SLC25A31: variants seen among roughly 807,000 people sequenced by gnomAD.
SLC25A31 encodes the protein solute carrier family 25 member 31.
SLC25A31 carries 40 observed loss-of-function variants against 36.2 expected under a neutral mutation model. The ratio of observed to expected loss-of-function variants is 1.10; its 90% CI spans 0.86 to 1.44. The LOEUF (loss-of-function observed/expected upper bound fraction) is 1.44, where lower values mean the gene tolerates loss of function less well. SLC25A31 is among the 40% of genes most tolerant of loss of function. The probability of loss-of-function intolerance (pLI) is 0.00; values close to 1 mark genes in which losing one functional copy is unlikely to be tolerated. For synonymous variants in SLC25A31, 143 were observed against 149.7 expected (o/e 0.96, Z 0.32); for missense variants, 350 against 397.1 (o/e 0.88, Z 1.01).
At chr4:127,760,051 C>T (rs1392069729) in intron 2 of SLC25A31, among the ~76,000 whole-genome samples, 2 of 152,104 alleles carry the variant, frequency 1.3e-5, no homozygotes, top group Non-Finnish European at 2.9e-5. Flanking sequence ...GAACTGTTGA[C>T]CAATTTGAAC....
chr4:127,730,824 C>G, intron 1 of SLC25A31, 47 bp downstream of exon 1: 2 of 1,537,760 alleles, frequency 1.3e-6, no homozygotes, highest in South Asian at 2.4e-5. Flanking sequence ...GCGCCCTCGT[C>G]AGCTTCCCAG....
At position 127,773,627 on chromosome 4, in the gene SLC25A31, T is replaced by C. The variant is rs2148767821; in HGVS notation, c.*53T>C. ...GATTTAACTTGTTAAACATACAAAT[T>C]ACATAGCTGCCATTTGCATACATTT... On this transcript the variant is annotated 3_prime_UTR_variant, in exon 6 of 6. Transcript: ENST00000281154. 7.3e-7 allele frequency: 1 copy of C among 1,376,580 alleles called. No homozygotes were observed. The highest frequency in any genetic ancestry group is 1.5e-5 in the South Asian group (1 of 65,966). 85.3% of individuals were successfully genotyped at this position (1,376,580 alleles called of 1,614,324 possible). A position where few individuals can be genotyped will look rare whatever the true frequency, so the allele number is the denominator to read the frequency against.
At chr4:127,766,596 C>A (rs1314472367) in intron 3 of SLC25A31, among the ~76,000 whole-genome samples, 1 of 152,052 alleles carries the variant, frequency 6.6e-6, no homozygotes, top group East Asian at 1.9e-4. Flanking sequence ...CTCCTAGTCT[C>A]AAGTGATCTA....
At chr4:127,755,425 A>T (rs991383006) in intron 2 of SLC25A31, among the ~76,000 whole-genome samples, 3 of 152,220 alleles carry the variant, frequency 2.0e-5, no homozygotes, top group Admixed American at 6.5e-5. Flanking sequence ...CTGTATAGAG[A>T]ATTCAAATAC....
intron 1 of SLC25A31, among the ~76,000 whole-genome samples, chr4:127,732,275 A>G (rs1012343303): frequency 6.6e-6 from 1 of 152,206 alleles, no homozygotes; most frequent in Non-Finnish European, 1.5e-5. Context: ...GTACCCTAGG[A>G]ATGCTAGGGA....
chr4:127,773,618 C>G lies in SLC25A31; in HGVS notation c.*44C>G. The stretch of plus-strand genomic sequence containing the variant: ...AAATACATGGATTTAACTTGTTAAA[C>G]ATACAAATTACATAGCTGCCATTTG... On this transcript the variant is annotated 3_prime_UTR_variant, in exon 6 of 6. Coordinates refer to ENST00000281154, the MANE Select transcript of SLC25A31 (RefSeq NM_031291.4). The G allele has an allele frequency of 7.0e-7, 1 of 1,433,722 alleles. No homozygotes were observed. The highest frequency in any genetic ancestry group is 1.5e-5 in the South Asian group (1 of 68,670). 88.8% of individuals were successfully genotyped at this position (1,433,722 alleles called of 1,614,324 possible). A position where few individuals can be genotyped will look rare whatever the true frequency, so the allele number is the denominator to read the frequency against.
intron 2 of SLC25A31, among the ~76,000 whole-genome samples, chr4:127,753,939 A>G (rs1731983725): frequency 6.6e-6 from 1 of 152,132 alleles, no homozygotes; most frequent in Non-Finnish European, 1.5e-5. Flanking sequence ...AACTGAATTC[A>G]CCTGCACATT....
chr4:127,731,814 A>C (rs1223155228), intron 1 of SLC25A31, among the ~76,000 whole-genome samples: 1 of 152,204 alleles, frequency 6.6e-6, no homozygotes, highest in African/African-American at 2.4e-5. Flanking sequence ...GAAAAAAAAA[A>C]AACTTTAAAC....
At chr4:127,748,055 G>T (rs1474453544) in intron 2 of SLC25A31, among the ~76,000 whole-genome samples, 1 of 152,066 alleles carries the variant, frequency 6.6e-6, no homozygotes, top group Non-Finnish European at 1.5e-5. Flanking sequence ...TGGTGTCCAG[G>T]GTTTTTCTTT....
intron 1 of SLC25A31, among the ~76,000 whole-genome samples, chr4:127,736,182 A>G (rs1731630507): frequency 6.6e-6 from 1 of 152,060 alleles, no homozygotes; most frequent in Non-Finnish European, 1.5e-5. Context: ...AATGCCTAAC[A>G]TTCTTGTTCT....
chr4:127,743,584 T>C (rs905115186), intron 1 of SLC25A31, among the ~76,000 whole-genome samples: 3 of 152,174 alleles, frequency 2.0e-5, no homozygotes, highest in African/African-American at 7.2e-5. Context: ...CAGTAAGTAG[T>C]AGTTGTTACC....
In SLC25A31 at chr4:127,730,459, G is replaced by GCGGTTTTC. The variant is rs1397736941; in HGVS notation, c.-76_-69dup. 35 of 1,369,624 alleles carry GCGGTTTTC rather than the reference G, an allele frequency of 2.6e-5. No individual in the cohort carries two copies. The East Asian group carries it at 4.5e-4, about 18-fold the overall frequency. 84.8% of individuals were successfully genotyped at this position (1,369,624 alleles called of 1,614,324 possible). A position where few individuals can be genotyped will look rare whatever the true frequency, so the allele number is the denominator to read the frequency against. On this transcript the variant is annotated 5_prime_UTR_variant, in exon 1 of 6. It introduces an in-frame stop codon into an upstream open reading frame of the 5' UTR. Transcript: ENST00000281154. Reference sequence around the variant, plus strand: ...ACTTTCTCGCCAGTACGATGCTGCAGCGGTTTTCCGGTTTTCCGCTTCCCT... The same window carrying GCGGTTTTC: ...ACTTTCTCGCCAGTACGATGCTGCAGCGGTTTTCCGGTTTTCCGGTTTTCCGCTTCCCT...
rs1732296152 is a variant in SLC25A31, at chr4:127,768,814, G to A, written c.696G>A (p.Val232=). 1.2e-6 allele frequency: 2 copies of A among 1,608,760 alleles called. No homozygotes were observed. The highest frequency in any genetic ancestry group is 8.5e-7 in the Non-Finnish European group (1 of 1,177,608). ...TCTCCTTTTTCATTGCTCAAGTTGT[G>A]ACTACATGCTCTGGAATACTTTCTT... ...FLVSFFIAQV[V]TTCSGILSYP... The change falls in exon 5 of 6, where the codon GTG becomes GTA. Residue 232 remains valine, a synonymous_variant. Coordinates refer to ENST00000281154, the MANE Select transcript of SLC25A31 (RefSeq NM_031291.4).
intron 5 of SLC25A31, among the ~76,000 whole-genome samples, chr4:127,772,010 G>A (rs1315255544): frequency 1.3e-5 from 2 of 152,170 alleles, no homozygotes; most frequent in African/African-American, 4.8e-5. Flanking sequence ...TTGCATCCAT[G>A]TTTAATGACA....
At position 127,758,466 on chromosome 4, in the gene SLC25A31, A is replaced by G. The variant is rs181176280; in HGVS notation, c.361-5777A>G. ...GTTTCCTCCACTGAATGTTGTGCAG[A>G]AGCTTTTTCAGTCCCATTTGTCAAT... On this transcript the variant is annotated intron_variant, in intron 2 of 5. Coordinates refer to ENST00000281154, the MANE Select transcript of SLC25A31 (RefSeq NM_031291.4). Among the ~76,000 whole-genome samples, 433 of 152,288 alleles carry G rather than the reference A, an allele frequency of 2.8e-3. 3 individuals carry two copies. The highest frequency in any genetic ancestry group is 9.7e-3 in the African/African-American group (405 of 41,560).
intron 2 of SLC25A31, among the ~76,000 whole-genome samples, chr4:127,745,338 G>C (rs1417994138): frequency 1.3e-5 from 2 of 150,896 alleles, no homozygotes; most frequent in Non-Finnish European, 3.0e-5. Context: ...TTACTCCCTT[G>C]GTTACAAAAT....
At chr4:127,742,603 T>C (rs1446505027) in intron 1 of SLC25A31, among the ~76,000 whole-genome samples, 1 of 152,254 alleles carries the variant, frequency 6.6e-6, no homozygotes, top group Non-Finnish European at 1.5e-5. Flanking sequence ...TGATTGGTTT[T>C]CTGTGCAATA....
At chr4:127,769,136 G>T (rs566674400) in intron 5 of SLC25A31, among the ~76,000 whole-genome samples, 1 of 152,124 alleles carries the variant, frequency 6.6e-6, no homozygotes, top group Non-Finnish European at 1.5e-5. Context: ...AAGGTAGAGG[G>T]TTATGGCAGA....
At chr4:127,744,458 T>A (rs1731786111) in intron 1 of SLC25A31, among the ~76,000 whole-genome samples, 1 of 152,192 alleles carries the variant, frequency 6.6e-6, no homozygotes, top group Non-Finnish European at 1.5e-5. Context: ...TATTCAAAGC[T>A]CTTTATTTGA....
Sources: gnomAD v4.1 joint callset for allele counts (sites outside exome capture counted in the v4.1 genomes callset) on GRCh38, gnomAD v4.1.1 for gene constraint, MANE v1.5 for transcripts, NCBI Gene and HGNC (gene_info 2026-07-23, HGNC 2026-07-21) for gene names.